BRSK2: variants seen among roughly 807,000 people sequenced by gnomAD.
The protein encoded by BRSK2 is serine/threonine-protein kinase BRSK2.
BRSK2 carries 19 observed loss-of-function variants against 83.3 expected under a neutral mutation model. The ratio of observed to expected loss-of-function variants is 0.23; its 90% CI spans 0.16 to 0.33. The LOEUF is 0.33. BRSK2 is among the 10% of genes least tolerant of loss of function. BRSK2 has a pLI of 1.00. For synonymous variants in BRSK2, 519 were observed against 435.4 expected (o/e 1.19, Z -2.39); for missense variants, 798 against 1,042.3 (o/e 0.77, Z 3.23).
chr11:1,441,970 A>G (rs12419563), intron 4 of BRSK2, among the ~76,000 whole-genome samples: 3,188 of 24,274 alleles, frequency 0.13, 313 homozygotes, highest in Non-Finnish European at 0.17. Context: ...CCCATTAGCT[A>G]CCCCTCAAGT....
chr11:1,411,430 G>A (rs549758145), intron 1 of BRSK2: 16 of 1,467,522 alleles, frequency 1.1e-5, no homozygotes, highest in Middle Eastern at 3.6e-4. Flanking sequence ...CACCCCAGCC[G>A]ATGGGCACGT....
chr11:1,408,456 C>T (rs1001831043), intron 1 of BRSK2, among the ~76,000 whole-genome samples: 2 of 152,170 alleles, frequency 1.3e-5, no homozygotes, highest in African/African-American at 2.4e-5. Flanking sequence ...CTTCACACAG[C>T]GGCCACCAGG....
chr11:1,411,002 A>C, intron 1 of BRSK2: 1 of 989,298 alleles, frequency 1.0e-6, no homozygotes, highest in Non-Finnish European at 1.2e-6. Context: ...GCAGGGGCGG[A>C]GAGAACAGCC....
chr11:1,402,609 C>A (rs1846557532), intron 1 of BRSK2, among the ~76,000 whole-genome samples: 1 of 149,170 alleles, frequency 6.7e-6, no homozygotes, highest in Admixed American at 6.6e-5. Flanking sequence ...GGCAGCGTCT[C>A]CCTGGAGCTC....
intron 1 of BRSK2, among the ~76,000 whole-genome samples, chr11:1,434,193 C>T (rs553115585): frequency 9.2e-5 from 14 of 152,192 alleles, no homozygotes; most frequent in East Asian, 3.9e-4. Flanking sequence ...TGACGTCCCG[C>T]GGGTCAACAG....
Position 1,438,497 on chromosome 11 carries a change from G to T in BRSK2, c.272+106G>T. ...AGCACAGGGGCTGGAGGCCAGGGGC[G>T]CCTGCTGCATCCCAGCAGCCCTGGC... On this transcript the variant is annotated intron_variant, in intron 3 of 19. Coordinates refer to ENST00000528841, the MANE Select transcript of BRSK2 (RefSeq NM_001256627.2). The surrounding 1 kb of genome is among the most constrained non-coding windows in gnomAD (Gnocchi z 6.4). 2.0e-6 allele frequency: 2 copies of T among 1,013,158 alleles called. No individual in the cohort carries two copies. Among genetic ancestry groups the T allele is most frequent in the South Asian group, 2.8e-5 (2 of 70,606 alleles). 62.8% of individuals were successfully genotyped at this position (1,013,158 alleles called of 1,614,324 possible).
chr11:1,456,461 C>G lies in BRSK2; in HGVS notation c.1782C>G (p.Thr594=). The part of the protein sequence containing the change: ...QKPVKFQVDI[T]YTEGGEAQKE... ...CGGTCAAGTTCCAGGTTGATATCAC[C>G]TACACGGAGGGTGGGGAGGCGCAGA... The change falls in exon 17 of 20, where the codon ACC becomes ACG. Residue 594 remains threonine (T), a synonymous_variant. Coordinates refer to ENST00000528841, the MANE Select transcript of BRSK2 (RefSeq NM_001256627.2). The G allele has an allele frequency of 6.3e-7, 1 of 1,584,100 alleles. No homozygotes were observed. Among genetic ancestry groups the G allele is most frequent in the Non-Finnish European group, 8.6e-7 (1 of 1,163,908 alleles).
intron 12 of BRSK2, among the ~76,000 whole-genome samples, chr11:1,449,210 G>A (rs1161670868): frequency 6.6e-6 from 1 of 152,200 alleles, no homozygotes; most frequent in Non-Finnish European, 1.5e-5. Flanking sequence ...GTAGGGCAGT[G>A]GTGGGACAAG....
chr11:1,406,397 G>A lies in BRSK2; in HGVS notation c.91+16022G>A, dbSNP rs111833917. 4.6e-5 allele frequency among the ~76,000 whole-genome samples: 7 copies of A among 152,302 alleles called. No individual in the cohort carries two copies. The East Asian group carries it at 5.8e-4, about 13-fold the overall frequency. On this transcript the variant is annotated intron_variant, in intron 1 of 19. Transcript: ENST00000528841. ...TGAGGCGGGAGAATGGCATGAACCC[G>A]GGAGGCGGAGCTTGCAGTGAGCTGA... is the stretch of plus-strand genomic sequence containing the variant.
At chr11:1,427,777 AGGGTGGCCCT>A (rs1303536111) in intron 1 of BRSK2, among the ~76,000 whole-genome samples, 2 of 152,182 alleles carry the variant, frequency 1.3e-5, no homozygotes, top group Non-Finnish European at 2.9e-5. Flanking sequence ...GAGATGATGA[AGGGTGGCCCT>A]GGGCTTCCCC....
chr11:1,411,751 C>T (rs1847529055), intron 1 of BRSK2: 7 of 1,402,078 alleles, frequency 5.0e-6, no homozygotes, highest in Non-Finnish European at 4.8e-6. Flanking sequence ...TGGGCTGCAC[C>T]TGCTGGGAGG....
At chr11:1,404,421 G>A (rs561889910) in intron 1 of BRSK2, among the ~76,000 whole-genome samples, 1 of 152,322 alleles carries the variant, frequency 6.6e-6, no homozygotes, top group South Asian at 2.1e-4. Context: ...CAGGACAGAC[G>A]TCCCTTTGGC....
chr11:1,411,097 C>G lies in BRSK2; in HGVS notation c.91+20722C>G. 4.2e-6 allele frequency: 5 copies of G among 1,177,808 alleles called. No homozygotes were observed. The South Asian group carries it at 1.7e-4, about 41-fold the overall frequency. The allele number at this position is 1,177,808 out of a possible 1,614,324, so 73.0% of individuals were successfully genotyped here. On this transcript the variant is annotated intron_variant, in intron 1 of 19. Transcript: ENST00000528841. ...AGGAGGGGGCGGGCTTTGGAGGAGG[C>G]AGCCCAGGTTTGGAGACCAGCTGGG...
chr11:1,428,239 GTGGCTCCTCTGTGACTCTGT>G (rs1299826880), intron 1 of BRSK2, among the ~76,000 whole-genome samples: 7 of 152,186 alleles, frequency 4.6e-5, no homozygotes, highest in African/African-American at 1.7e-4. Flanking sequence ...CTTGGTGGCT[GTGGCTCCTCTGTGACTCTGT>G]TGCTATTTGA....
At chr11:1,410,794 C>T in intron 1 of BRSK2, 2 of 985,260 alleles carry the variant, frequency 2.0e-6, no homozygotes, top group Non-Finnish European at 2.4e-6. Context: ...CCACAGGTGG[C>T]CCCCCCGCCA....
At chr11:1,415,571 G>T (rs372184473) in intron 1 of BRSK2, among the ~76,000 whole-genome samples, 2 of 152,326 alleles carry the variant, frequency 1.3e-5, no homozygotes, top group African/African-American at 4.8e-5. Context: ...TTGAGGAGCT[G>T]CCAGACTTTC....
intron 19 of BRSK2, 40 bp from the exon 20 acceptor site, chr11:1,460,460 C>CTTTTTTTTTTTTTTT (rs781049550): frequency 8.0e-6 from 9 of 1,122,762 alleles, no homozygotes; most frequent in Admixed American, 4.5e-5. Flanking sequence ...TTTCTTTTTT[C>CTTTTTTTTTTTTTTT]CTTTTTTTTT....
At chr11:1,411,221 G>C in intron 1 of BRSK2, 1 of 1,256,068 alleles carries the variant, frequency 8.0e-7, no homozygotes, top group African/African-American at 1.5e-5. Flanking sequence ...GCGGGTTCTG[G>C]ACGTGCTCTG....
chr11:1,425,410 A>C (rs1314321085), intron 1 of BRSK2, among the ~76,000 whole-genome samples: 1 of 152,002 alleles, frequency 6.6e-6, no homozygotes, highest in Admixed American at 6.5e-5. Flanking sequence ...GTCCAGGAGG[A>C]AGCTGTGGTG....
Sources: gnomAD v4.1 joint callset for allele counts (sites outside exome capture counted in the v4.1 genomes callset) on GRCh38, gnomAD v4.1.1 for gene constraint, Gnocchi (gnomAD v3.1) non-coding constraint, MANE v1.5 for transcripts, NCBI Gene and HGNC (gene_info 2026-07-23, HGNC 2026-07-21) for gene names.